Variants in SMCO4 observed in about 807,000 individuals in gnomAD.
The protein encoded by SMCO4 is single-pass membrane protein with coiled-coil domains 4.
A neutral mutation model predicts 3.6 loss-of-function variants in SMCO4; 4 were observed. The ratio of observed to expected loss-of-function variants is 1.11; its 90% CI spans 0.54 to 2.53. The LOEUF is 2.53. Among genes scored for constraint, SMCO4 ranks in the 30% most tolerant of loss-of-function variants. The pLI, the probability that SMCO4 is intolerant of heterozygous loss-of-function variation, is 0.02. For missense variants in SMCO4, 70 were observed against 80.8 expected, an observed-to-expected ratio of 0.87 and a Z score of 0.51; for synonymous variants, 36 against 35.3, an observed-to-expected ratio of 1.02 and a Z score of -0.07.
intron 1 of SMCO4, among the ~76,000 whole-genome samples, chr11:93,509,538 T>C (rs969166205): frequency 1.3e-5 from 2 of 152,178 alleles, no homozygotes; most frequent in Non-Finnish European, 2.9e-5. Context: ...AGCAGCACAA[T>C]TCGCATTTGT....
At chr11:93,499,838 A>G (rs1425563989) in intron 1 of SMCO4, among the ~76,000 whole-genome samples, 1 of 152,214 alleles carries the variant, frequency 6.6e-6, no homozygotes. Flanking sequence ...AAAGTGACCC[A>G]GGCATCCGAA....
At chr11:93,528,731 G>C (rs2134628768) in intron 1 of SMCO4, among the ~76,000 whole-genome samples, 1 of 152,314 alleles carries the variant, frequency 6.6e-6, no homozygotes, top group Non-Finnish European at 1.5e-5. Context: ...TTAAAGATGA[G>C]AGAACTGAGG....
At chr11:93,506,530 CCAGGTT>C in intron 1 of SMCO4, among the ~76,000 whole-genome samples, 1 of 151,974 alleles carries the variant, frequency 6.6e-6, no homozygotes, top group Non-Finnish European at 1.5e-5. Flanking sequence ...CCTCCACCTC[CCAGGTT>C]CACACCATTC....
At chr11:93,539,447 C>T (rs1267662516) in intron 1 of SMCO4, among the ~76,000 whole-genome samples, 1 of 152,158 alleles carries the variant, frequency 6.6e-6, no homozygotes, top group Non-Finnish European at 1.5e-5. Context: ...ATATAAGTCT[C>T]TATGATGTTT....
At chr11:93,520,498 G>T (rs956395613) in intron 1 of SMCO4, among the ~76,000 whole-genome samples, 2 of 152,186 alleles carry the variant, frequency 1.3e-5, no homozygotes, top group Non-Finnish European at 2.9e-5. Context: ...AGGCAGGACA[G>T]GAACCTAAAT....
rs148886926 is a variant in SMCO4, at chr11:93,506,289, G to T, written c.-153-6941C>A. On this transcript the variant is annotated intron_variant, in intron 1 of 2. Coordinates refer to ENST00000298966, the MANE Select transcript of SMCO4 (RefSeq NM_020179.3). ...GCCCAAGACCCTTTCTGGGAGTCCC[G>T]CCAGGTCAAAACTATCTTCAACTGT... is the stretch of plus-strand genomic sequence containing the variant. 2.1e-3 allele frequency among the ~76,000 whole-genome samples: 321 copies of T among 152,246 alleles called. 4 individuals carry two copies. Among genetic ancestry groups the T allele is most frequent in the African/African-American group, 7.5e-3 (310 of 41,528 alleles).
intron 1 of SMCO4, among the ~76,000 whole-genome samples, chr11:93,519,732 T>C (rs1020666347): frequency 1.3e-5 from 2 of 152,230 alleles, no homozygotes; most frequent in Non-Finnish European, 2.9e-5. Flanking sequence ...TGGCTCTCAA[T>C]GGCCAGCCTC....
the SMCO4 span, among the ~76,000 whole-genome samples, chr11:93,549,624 T>TTA: frequency 4.5e-4 from 2 of 4,476 alleles, no homozygotes; most frequent in Non-Finnish European, 0.011. Context: ...AATTTATTTA[T>TTA]TTTTTTTTTT....
chr11:93,541,117 C>G (rs1156902522), intron 1 of SMCO4, among the ~76,000 whole-genome samples: 1 of 152,202 alleles, frequency 6.6e-6, no homozygotes, highest in African/African-American at 2.4e-5. Flanking sequence ...CCTCTTCTTC[C>G]AGCACCATGG....
chr11:93,509,645 G>A (rs1167188200), intron 1 of SMCO4, among the ~76,000 whole-genome samples: 1 of 152,162 alleles, frequency 6.6e-6, no homozygotes, highest in Non-Finnish European at 1.5e-5. Context: ...TCATAATAAA[G>A]AATGAAATAA....
At chr11:93,549,712 G>A in the SMCO4 span, among the ~76,000 whole-genome samples, 1 of 151,884 alleles carries the variant, frequency 6.6e-6, no homozygotes, top group South Asian at 2.1e-4. Flanking sequence ...TTCCACCTCA[G>A]CCTCCCGAAG....
chr11:93,513,758 T>C (rs528878562), intron 1 of SMCO4, among the ~76,000 whole-genome samples: 1 of 152,114 alleles, frequency 6.6e-6, no homozygotes, highest in African/African-American at 2.4e-5. Context: ...AGATACTATA[T>C]AGAGAGATTT....
rs576851248 is a variant in SMCO4 at position 93,488,789 on chromosome 11, A to G, written c.-80-9520T>C. On this transcript the variant is annotated intron_variant, in intron 2 of 2. Coordinates refer to ENST00000298966, the MANE Select transcript of SMCO4 (RefSeq NM_020179.3). ...GAGCTGTGGGCCCTTAAAGCTGGGA[A>G]GTGGAGTGTGTGCAGAGTAGGGGAC... 3.3e-5 allele frequency among the ~76,000 whole-genome samples: 5 copies of G among 152,274 alleles called. No homozygotes were observed. In the South Asian group the frequency reaches 1.0e-3, roughly 32 times the overall value.
intron 2 of SMCO4, chr11:93,481,489 G>C: frequency 1.0e-6 from 1 of 985,430 alleles, no homozygotes; most frequent in Non-Finnish European, 1.2e-6. Flanking sequence ...GCTTGGCACA[G>C]AGCGGGCGGC....
chr11:93,546,380 A>G (rs1949316112), upstream of SMCO4, among the ~76,000 whole-genome samples: 1 of 152,176 alleles, frequency 6.6e-6, no homozygotes, highest in South Asian at 2.1e-4. Flanking sequence ...AAGCTACCAA[A>G]AGCTTTAAAC....
At chr11:93,536,112 C>G (rs1045079992) in intron 1 of SMCO4, among the ~76,000 whole-genome samples, 2 of 150,502 alleles carry the variant, frequency 1.3e-5, no homozygotes, top group East Asian at 1.9e-4. Context: ...GTCTGTTTAT[C>G]AAGAAAAAAA....
the SMCO4 span, among the ~76,000 whole-genome samples, chr11:93,553,839 G>T: frequency 5.3e-5 from 8 of 152,274 alleles, no homozygotes; most frequent in South Asian, 2.1e-4. Context: ...GGAAAATCTT[G>T]GTAGGACCAA....
intron 1 of SMCO4, among the ~76,000 whole-genome samples, chr11:93,534,271 T>C (rs1949194416): frequency 6.8e-6 from 1 of 146,514 alleles, no homozygotes; most frequent in Non-Finnish European, 1.5e-5. Context: ...CAAACACATA[T>C]ATATATACAT....
chr11:93,541,716 A>G (rs954051839), intron 1 of SMCO4, among the ~76,000 whole-genome samples: 10 of 152,250 alleles, frequency 6.6e-5, no homozygotes, highest in African/African-American at 2.2e-4. Context: ...CATGTTGTAA[A>G]TCGAGTACCA....
Sources: gnomAD v4.1 joint callset for allele counts (sites outside exome capture counted in the v4.1 genomes callset) on GRCh38, gnomAD v4.1.1 for gene constraint, MANE v1.5 for transcripts, NCBI Gene and HGNC (gene_info 2026-07-23, HGNC 2026-07-21) for gene names.